Variants in CORO7 observed in about 807,000 individuals in gnomAD.
CORO7 encodes coronin-7.
A neutral mutation model predicts 126.6 loss-of-function variants in CORO7; 107 were observed. The ratio of observed to expected loss-of-function variants is 0.85; its 90% CI spans 0.72 to 0.99. The LOEUF (loss-of-function observed/expected upper bound fraction) is 0.99. Among genes scored for constraint, CORO7 ranks in the 50% least tolerant of loss-of-function variants. The pLI is 0.00. For synonymous variants in CORO7, 603 were observed against 536.8 expected, an observed-to-expected ratio of 1.12 and a Z score of -1.70; for missense variants, 1,314 against 1,255.8, an observed-to-expected ratio of 1.05 and a Z score of -0.70.
chr16:4,360,345 C>T lies in CORO7; in HGVS notation c.2041G>A (p.Gly681Arg). ...CAGACAATGCGAGCTCCGCGTCCTC[C>T]CTTGGGCCCTGGGCCTTCCTGTTGA... ...EPLQEGPGPK[G>R]GRGARIVWVC... Residue 681 changes from glycine (G) to arginine (R), a missense_variant, in exon 21 of 28, where the codon GGA becomes AGA. Coordinates refer to ENST00000251166, the MANE Select transcript of CORO7 (RefSeq NM_024535.5). 6.2e-7 allele frequency: 1 copy of T among 1,613,728 alleles called. No homozygotes were observed. The highest frequency in any genetic ancestry group is 8.5e-7 in the Non-Finnish European group (1 of 1,180,006).
rs371324149 is a variant in CORO7, at chr16:4,361,264, A to G, written c.1688-16T>C. The G allele has an allele frequency of 3.0e-5, 49 of 1,612,276 alleles. 1 individual carries two copies. The highest frequency in any genetic ancestry group is 6.6e-5 in the South Asian group (6 of 91,056). The stretch of plus-strand genomic sequence containing the variant: ...TCCTCACCAGCTGCAGAGGACAGAC[A>G]GGGGCTCATCATTGCTGAGCCCAAG... On this transcript the variant is annotated splice_polypyrimidine_tract_variant and intron_variant, in intron 17 of 27. Transcript: ENST00000251166.
intron 9 of CORO7, among the ~76,000 whole-genome samples, chr16:4,386,968 C>T (rs1188585740): frequency 2.0e-5 from 3 of 152,240 alleles, no homozygotes; most frequent in Non-Finnish European, 4.4e-5. Flanking sequence ...CTGGACAGGT[C>T]ACTGTTGCCT....
At chr16:4,360,730 T>C (rs1596272469) in intron 19 of CORO7, among the ~76,000 whole-genome samples, 182 bp from the exon 20 acceptor site, 1 of 42,334 alleles carries the variant, frequency 2.4e-5, no homozygotes, top group African/African-American at 9.9e-5. Context: ...TGGCCCCCCT[T>C]CTCCTCAATG....
At chr16:4,400,642 A>C (rs2055764265) in intron 6 of CORO7, among the ~76,000 whole-genome samples, 1 of 147,722 alleles carries the variant, frequency 6.8e-6, no homozygotes, top group African/African-American at 2.6e-5. Flanking sequence ...TCAAAAACAA[A>C]AACAAAAACA....
chr16:4,393,653 G>A (rs951364107), intron 7 of CORO7, among the ~76,000 whole-genome samples: 4 of 152,134 alleles, frequency 2.6e-5, no homozygotes, highest in South Asian at 2.1e-4. Context: ...CCTTGACCCC[G>A]GGTGGGGAAA....
At chr16:4,359,248 G>A (rs757701662) in intron 23 of CORO7, 48 bp downstream of exon 23, 1 of 1,534,192 alleles carries the variant, frequency 6.5e-7, no homozygotes, top group East Asian at 2.3e-5. Context: ...CCAGGGGGCA[G>A]GGCAGCCTTG....
Position 4,362,143 on chromosome 16 carries a change from G to A in CORO7, c.1420C>T (p.Arg474Cys), listed in dbSNP as rs2054201773. The A allele has an allele frequency of 5.6e-6, 9 of 1,607,328 alleles. No homozygotes were observed. The highest frequency in any genetic ancestry group is 3.3e-5 in the South Asian group (3 of 90,838). ...TGCAGGACAGTGCCCTGAGCATGGC[G>A]GAACTTGGAACTGGGGCCTGGCAGG... ...QSLLGPSSKF[R>C]HAQGTVLHRD... Residue 474 changes from arginine (R) to cysteine (C), a missense_variant, in exon 16 of 28, where the codon CGC (arginine) becomes TGC (cysteine). Arg to Cys is a radical substitution (Grantham distance 180, BLOSUM62 -3). Coordinates refer to ENST00000251166, the MANE Select transcript of CORO7 (RefSeq NM_024535.5). The surrounding 1 kb of genome is among the most constrained non-coding windows in gnomAD (Gnocchi z 5.3).
intron 7 of CORO7, 85 bp downstream of exon 7, chr16:4,395,204 T>C: frequency 6.3e-7 from 1 of 1,598,142 alleles, no homozygotes; most frequent in Middle Eastern, 2.0e-4. Flanking sequence ...ACCCCAGGCC[T>C]GCCCCTACCT....
At chr16:4,372,271 C>T (rs1021888935) in intron 9 of CORO7, among the ~76,000 whole-genome samples, 4 of 152,224 alleles carry the variant, frequency 2.6e-5, no homozygotes, top group African/African-American at 7.2e-5. Context: ...AACACCCCGT[C>T]CCATGCTTCC....
At chr16:4,382,020 C>A in intron 9 of CORO7, 2 of 1,602,460 alleles carry the variant, frequency 1.2e-6, no homozygotes, top group East Asian at 2.2e-5. Flanking sequence ...CCTGGCTTAG[C>A]CCCACAGAGC....
intron 6 of CORO7, among the ~76,000 whole-genome samples, chr16:4,397,061 C>T (rs1020661263): frequency 2.7e-5 from 4 of 150,546 alleles, no homozygotes; most frequent in Non-Finnish European, 5.9e-5. Flanking sequence ...ACATCATTTG[C>T]ACCAGTACAG....
intron 7 of CORO7, among the ~76,000 whole-genome samples, chr16:4,389,119 C>T (rs929789313): frequency 6.6e-6 from 1 of 152,202 alleles, no homozygotes; most frequent in Non-Finnish European, 1.5e-5. Flanking sequence ...TGTGGCAAAG[C>T]ACCGTGTAAA....
At chr16:4,386,752 T>C (rs780439918) in intron 9 of CORO7, among the ~76,000 whole-genome samples, 3 of 152,186 alleles carry the variant, frequency 2.0e-5, no homozygotes, top group Non-Finnish European at 2.9e-5. Flanking sequence ...CCTTGCCAGC[T>C]TCTCAGCCCC....
At chr16:4,411,090 A>T (rs1042514984) in intron 3 of CORO7, among the ~76,000 whole-genome samples, 1 of 152,216 alleles carries the variant, frequency 6.6e-6, no homozygotes, top group Non-Finnish European at 1.5e-5. Flanking sequence ...GGTCACTTTA[A>T]TAAGAATCAT....
chr16:4,408,237 A>C lies in CORO7; in HGVS notation c.247T>G (p.Leu83Val). The C allele has an allele frequency of 6.2e-7, 1 of 1,614,240 alleles. No individual in the cohort carries two copies. Among genetic ancestry groups the C allele is most frequent in the Non-Finnish European group, 8.5e-7 (1 of 1,180,028 alleles). Residue 83 changes from leucine to valine, a missense_variant, in exon 4 of 28, where the codon TTG becomes GTG. Physicochemically the swap from Leu to Val is conservative, Grantham distance 32. Coordinates refer to ENST00000251166, the MANE Select transcript of CORO7 (RefSeq NM_024535.5). ...AAGTCATCAAAGGGCGAGAAGTCCA[A>C]GTCGGTGACTAGGTCTGTGGGAGAG... The part of the protein sequence containing the change: ...LGCHSDLVTD[L>V]DFSPFDDFLL...
rs112402653 is a variant in CORO7, at chr16:4,386,510, C to G, written c.785+1476G>C. On this transcript the variant is annotated intron_variant, in intron 9 of 27. Coordinates refer to ENST00000251166, the MANE Select transcript of CORO7 (RefSeq NM_024535.5). ...GTCTAGAAGACAAGATGCCAGGCAG[C>G]TCCGGGCCTGGGATGGGGGACATGG... Among the ~76,000 whole-genome samples the G allele has an allele frequency of 3.1e-3, 469 of 152,288 alleles. 5 individuals are homozygous for G. Among genetic ancestry groups the G allele is most frequent in the African/African-American group, 0.011 (447 of 41,566 alleles).
chr16:4,407,603 C>G lies in CORO7; in HGVS notation c.385G>C (p.Val129Leu). The change falls in exon 5 of 28, where the codon GTG becomes CTG. Residue 129 changes from valine to leucine, a missense_variant. By Grantham distance (32) the Val-to-Leu change is conservative. Transcript: ENST00000251166. The stretch of plus-strand genomic sequence containing the variant: ...GTGGGGTGGAACTGCAGTACCTCCA[C>G]TGGGAGGTCCTCGGGGCCCAGCACC... ...GVVLGPEDLP[V>L]EVLQFHPTSD... is the part of the protein sequence containing the mutation. 2 of 1,597,172 alleles carry G rather than the reference C, an allele frequency of 1.3e-6. No homozygotes were observed. Among genetic ancestry groups the G allele is most frequent in the Non-Finnish European group, 1.7e-6 (2 of 1,171,958 alleles).
chr16:4,407,254 T>A (rs1408333746), intron 5 of CORO7, among the ~76,000 whole-genome samples: 1 of 151,748 alleles, frequency 6.6e-6, no homozygotes, highest in Non-Finnish European at 1.5e-5. Context: ...GGCCATTATT[T>A]TTTTAAATGG....
chr16:4,401,934 T>C (rs1295602455), intron 6 of CORO7, among the ~76,000 whole-genome samples: 2 of 151,462 alleles, frequency 1.3e-5, no homozygotes, highest in Non-Finnish European at 2.9e-5. Flanking sequence ...TTTGAGGTTT[T>C]AGTTTGTTTG....
Sources: gnomAD v4.1 joint callset for allele counts (sites outside exome capture counted in the v4.1 genomes callset) on GRCh38, gnomAD v4.1.1 for gene constraint, Gnocchi (gnomAD v3.1) non-coding constraint, MANE v1.5 for transcripts, NCBI Gene and HGNC (gene_info 2026-07-23, HGNC 2026-07-21) for gene names.